COL4A1: variants seen among roughly 807,000 people sequenced by gnomAD.
COL4A1 encodes the protein collagen type IV alpha 1 chain.
In COL4A1, 40 loss-of-function variants were observed where a neutral mutation model predicts 216.6. That is an observed-to-expected ratio of 0.18 (90% CI 0.14 to 0.24). The LOEUF (loss-of-function observed/expected upper bound fraction) is 0.24, where lower values mean the gene tolerates loss of function less well. Ranked by LOEUF, COL4A1 falls within the 10% of genes least tolerant of loss-of-function variation. The pLI is 1.00. For missense variants in COL4A1, 1,628 were observed against 2,196.8 expected, an observed-to-expected ratio of 0.74 and a Z score of 5.18; for synonymous variants, 839 against 810.7, an observed-to-expected ratio of 1.03 and a Z score of -0.59.
chr13:110,163,480 C>G lies in COL4A1; in HGVS notation c.4232G>C (p.Gly1411Ala). 1 of 1,614,092 alleles carries G rather than the reference C, an allele frequency of 6.2e-7. No homozygotes were observed. Among genetic ancestry groups the G allele is most frequent in the Non-Finnish European group, 8.5e-7 (1 of 1,180,020 alleles). ...CAACCTACCAGTAGGCCCGGCAGGTCCCATCTCTCCTTTCTGGCCAGGGGC... is the reference window on the plus strand; with the variant it reads ...CAACCTACCAGTAGGCCCGGCAGGTGCCATCTCTCCTTTCTGGCCAGGGGC... Reference protein sequence around the residue: ...DGAPGQKGEMGPAGPTGPRGF... With the variant: ...DGAPGQKGEMAPAGPTGPRGF... The change falls in exon 47 of 52, where the codon GGA becomes GCA. Residue 1411 changes from glycine (G) to alanine (A), a missense_variant. Gly to Ala is a moderately conservative substitution (Grantham distance 60). Coordinates refer to ENST00000375820, the MANE Select transcript of COL4A1 (RefSeq NM_001845.6).
intron 29 of COL4A1, among the ~76,000 whole-genome samples, chr13:110,179,707 G>A (rs1364042351): frequency 6.6e-6 from 1 of 152,158 alleles, no homozygotes; most frequent in Non-Finnish European, 1.5e-5. Flanking sequence ...CTTCTGACCT[G>A]AGCTTGTCCC....
chr13:110,180,394 C>G (rs531794974), intron 29 of COL4A1, among the ~76,000 whole-genome samples: 1 of 152,348 alleles, frequency 6.6e-6, no homozygotes, highest in Non-Finnish European at 1.5e-5. Context: ...CAGAGGAGGG[C>G]ACCCTGCTGT....
At chr13:110,303,585 A>G (rs1479333410) in intron 1 of COL4A1, among the ~76,000 whole-genome samples, 2 of 152,248 alleles carry the variant, frequency 1.3e-5, no homozygotes, top group African/African-American at 2.4e-5. Context: ...CACAGTGCAC[A>G]TGGAAATGAC....
intron 1 of COL4A1, among the ~76,000 whole-genome samples, chr13:110,246,092 G>C (rs1454071293): frequency 6.6e-6 from 1 of 151,440 alleles, no homozygotes; most frequent in East Asian, 1.9e-4. Flanking sequence ...CTAAGATCAT[G>C]ATTTTTGTGT....
At chr13:110,264,718 C>T (rs1274685808) in intron 1 of COL4A1, among the ~76,000 whole-genome samples, 1 of 152,186 alleles carries the variant, frequency 6.6e-6, no homozygotes, top group Non-Finnish European at 1.5e-5. Flanking sequence ...TCCTCTCTCT[C>T]TGTCTCCTCC....
intron 10 of COL4A1, 163 bp downstream of exon 10, chr13:110,209,817 G>C (rs1879691487): frequency 1.1e-6 from 1 of 872,262 alleles, no homozygotes. Flanking sequence ...TGGGTACCGG[G>C]ATGCCAGCCA....
At chr13:110,235,153 ACT>A (rs1181683060) in intron 2 of COL4A1, among the ~76,000 whole-genome samples, 1 of 152,314 alleles carries the variant, frequency 6.6e-6, no homozygotes, top group Middle Eastern at 3.4e-3. Context: ...TTAATAAATT[ACT>A]GTTATTATTA....
intron 2 of COL4A1, among the ~76,000 whole-genome samples, chr13:110,226,407 C>T (rs1046870787): frequency 7.2e-5 from 11 of 152,318 alleles, no homozygotes; most frequent in South Asian, 2.1e-4. Context: ...CGACATACAC[C>T]GGTCTGAAAT....
intron 2 of COL4A1, among the ~76,000 whole-genome samples, chr13:110,222,584 T>C (rs1477939263): frequency 1.3e-5 from 2 of 148,726 alleles, no homozygotes; most frequent in African/African-American, 2.4e-5. Flanking sequence ...CCATCCTGGC[T>C]AACATGGTGA....
rs374343679 is a variant in COL4A1 at position 110,155,361 on chromosome 13, G to A, written c.4677C>T (p.Ala1559=). Residue 1559 remains alanine (A), a synonymous_variant, in exon 50 of 52, where the codon GCC becomes GCT. Transcript: ENST00000375820. Reference sequence around the variant, plus strand: ...GGATCTGAATGGTCTGGCTGTGCACGGCCATCACCATGGCAGGCGCCTCAC... The same window carrying A: ...GGATCTGAATGGTCTGGCTGTGCACAGCCATCACCATGGCAGGCGCCTCAC... ...AVCEAPAMVM[A]VHSQTIQIPP... is the part of the protein sequence containing the mutation. The A allele has an allele frequency of 2.3e-5, 37 of 1,614,024 alleles. No homozygotes were observed. Among genetic ancestry groups the A allele is most frequent in the Middle Eastern group, 1.6e-4 (1 of 6,084 alleles).
chr13:110,160,535 A>T lies in COL4A1; in HGVS notation c.4640+657T>A, dbSNP rs1341697609. ...CTCCTTGGGGAAGCTGTTACTTTTTAAAAAGAAAGATTGAGCAACACTGTT... is the reference window on the plus strand; with the variant it reads ...CTCCTTGGGGAAGCTGTTACTTTTTTAAAAGAAAGATTGAGCAACACTGTT... On this transcript the variant is annotated intron_variant, in intron 49 of 51. Coordinates refer to ENST00000375820, the MANE Select transcript of COL4A1 (RefSeq NM_001845.6). Among the ~76,000 whole-genome samples the T allele has an allele frequency of 2.0e-5, 3 of 152,130 alleles. No individual in the cohort carries two copies. In the East Asian group the frequency reaches 5.8e-4, roughly 29 times the overall value.
intron 1 of COL4A1, among the ~76,000 whole-genome samples, chr13:110,300,372 G>A (rs1884445186): frequency 1.3e-5 from 2 of 152,202 alleles, no homozygotes; most frequent in South Asian, 2.1e-4. Flanking sequence ...TGTGGCTGCT[G>A]GGAAAAGTTT....
chr13:110,247,536 A>C (rs1299158545), intron 1 of COL4A1, among the ~76,000 whole-genome samples: 10 of 152,194 alleles, frequency 6.6e-5, no homozygotes, highest in Non-Finnish European at 5.9e-5. Flanking sequence ...AAGTATATTA[A>C]GTTCTTAAAA....
At chr13:110,279,894 GC>G (rs1290931557) in intron 1 of COL4A1, among the ~76,000 whole-genome samples, 3 of 152,084 alleles carry the variant, frequency 2.0e-5, no homozygotes, top group African/African-American at 7.2e-5. Flanking sequence ...CCTTACTGTG[GC>G]CACTGTCTTC....
intron 22 of COL4A1, 37 bp downstream of exon 22, chr13:110,194,986 A>G: frequency 6.3e-7 from 1 of 1,578,406 alleles, no homozygotes; most frequent in South Asian, 1.1e-5. Flanking sequence ...ATACGCAAAG[A>G]CACAACCACC....
Position 110,162,572 on chromosome 13 carries a change from CAA to C in COL4A1, c.4250-132_4250-131del. The C allele has an allele frequency of 5.3e-6, 4 of 755,048 alleles. No individual in the cohort carries two copies. The East Asian group carries it at 1.1e-4, about 20-fold the overall frequency. 46.8% of individuals were successfully genotyped at this position (755,048 alleles called of 1,614,324 possible). A position where few individuals can be genotyped will look rare whatever the true frequency, so the allele number is the denominator to read the frequency against. On this transcript the variant is annotated intron_variant, in intron 47 of 51. Coordinates refer to ENST00000375820, the MANE Select transcript of COL4A1 (RefSeq NM_001845.6). ...AAAGTATCCTACCTATTCATGTTAC[CAA>C]AAAAGTCTAAAAAGAATGCATGGCT...
Position 110,158,854 on chromosome 13 carries a change from T to C in COL4A1, c.4640+2338A>G, listed in dbSNP as rs535749242. On this transcript the variant is annotated intron_variant, in intron 49 of 51. Coordinates refer to ENST00000375820, the MANE Select transcript of COL4A1 (RefSeq NM_001845.6). ...GCCTGCTGGGTTCAAGCAATTCTCC[T>C]GCCTCAGCCTCCTGAGTAGCTGGGA... Among the ~76,000 whole-genome samples the C allele has an allele frequency of 9.8e-4, 149 of 151,782 alleles. 1 individual carries two copies. The highest frequency in any genetic ancestry group is 3.3e-3 in the African/African-American group (137 of 41,368).
At chr13:110,155,787 C>T (rs1323813786) in intron 49 of COL4A1, among the ~76,000 whole-genome samples, 2 of 152,154 alleles carry the variant, frequency 1.3e-5, no homozygotes, top group African/African-American at 4.8e-5. Context: ...TGGCACATGC[C>T]TGTAATCCCA....
chr13:110,295,294 G>A (rs935822151), intron 1 of COL4A1, among the ~76,000 whole-genome samples: 9 of 147,376 alleles, frequency 6.1e-5, no homozygotes, highest in African/African-American at 1.8e-4. Context: ...AGTTTGTACA[G>A]AGACACAATA....
Sources: allele counts gnomAD v4.1 joint callset (sites outside exome capture counted in the v4.1 genomes callset), GRCh38; gene constraint gnomAD v4.1.1; transcripts MANE v1.5; gene names NCBI Gene and HGNC (gene_info 2026-07-23, HGNC 2026-07-21).